Variants in CDHR3 observed in about 807,000 individuals in gnomAD.
The protein encoded by CDHR3 is cadherin related family member 3.
Under a neutral mutation model 86.6 loss-of-function variants are expected in CDHR3, and 79 were observed. That is an observed-to-expected ratio of 0.91 (90% CI 0.76 to 1.10). The LOEUF (loss-of-function observed/expected upper bound fraction) is 1.10, where lower values mean the gene tolerates loss of function less well. CDHR3 is among the 50% of genes least tolerant of loss of function. The probability of loss-of-function intolerance (pLI) is 0.00; values close to 1 mark genes in which losing one functional copy is unlikely to be tolerated. For missense variants in CDHR3, 1,081 were observed against 1,077.6 expected (o/e 1.00, Z -0.04); for synonymous variants, 421 against 402.4 (o/e 1.05, Z -0.55).
At chr7:106,023,221 C>T (rs1371846465) in intron 14 of CDHR3, among the ~76,000 whole-genome samples, 2 of 152,166 alleles carry the variant, frequency 1.3e-5, no homozygotes, top group South Asian at 4.1e-4. Context: ...CCAACTCTAT[C>T]CCCTAACCTA....
intron 7 of CDHR3, 87 bp from the exon 8 acceptor site, chr7:106,004,411 C>A (rs955790663): frequency 4.9e-6 from 5 of 1,029,480 alleles, no homozygotes. Flanking sequence ...TCCTCATGTT[C>A]GAATGGTCTT....
At chr7:106,029,314 C>A (rs562203379) in intron 17 of CDHR3, among the ~76,000 whole-genome samples, 1 of 152,238 alleles carries the variant, frequency 6.6e-6, no homozygotes, top group South Asian at 2.1e-4. Flanking sequence ...CACTACCTTG[C>A]AGAAAAGTGA....
intron 15 of CDHR3, 79 bp downstream of exon 15, chr7:106,024,641 T>C: frequency 7.0e-7 from 1 of 1,425,596 alleles, no homozygotes; most frequent in Non-Finnish European, 9.6e-7. Flanking sequence ...GAAGGAAAAA[T>C]GGAGAATCAG....
At chr7:106,026,950 G>A (rs1837445595) in intron 16 of CDHR3, among the ~76,000 whole-genome samples, 1 of 152,154 alleles carries the variant, frequency 6.6e-6, no homozygotes, top group African/African-American at 2.4e-5. Flanking sequence ...TCGCCAATCA[G>A]CTCAGCTGAA....
intron 6 of CDHR3, 59 bp downstream of exon 6, chr7:105,996,413 T>C (rs1832232038): frequency 2.1e-6 from 2 of 938,722 alleles, no homozygotes; most frequent in African/African-American, 3.3e-5. Context: ...TTAGGCGGCC[T>C]CGTCTCCTCC....
chr7:106,006,195 A>G (rs1361525002), intron 8 of CDHR3, among the ~76,000 whole-genome samples: 1 of 152,126 alleles, frequency 6.6e-6, no homozygotes, highest in African/African-American at 2.4e-5. Context: ...ACTTGCCCCC[A>G]TGATTCCATT....
chr7:106,024,516 AT>A lies in CDHR3; in HGVS notation c.2213del (p.Ile738ThrfsTer16). The A allele has an allele frequency of 6.2e-7, 1 of 1,614,058 alleles. No homozygotes were observed. The highest frequency in any genetic ancestry group is 1.1e-5 in the South Asian group (1 of 91,090). ...CCTGGTCGTCCTATTGGCCAAAGCC[AT>A]CCACAGACACTGCCCCTGCAAGACT... is the stretch of plus-strand genomic sequence containing the variant. Reference protein sequence around the residue: ...VYLVVLLAKAIHRHCPCKTGK... With the variant: ...VYLVVLLAKAXHRHCPCKTGK... On this transcript the variant is annotated frameshift_variant, in exon 15 of 19. Transcript: ENST00000317716. LOFTEE classifies it high-confidence loss of function.
At chr7:106,031,570 C>A (rs543744734) in intron 18 of CDHR3, among the ~76,000 whole-genome samples, 2 of 152,218 alleles carry the variant, frequency 1.3e-5, no homozygotes, top group East Asian at 3.8e-4. Flanking sequence ...AGGCTGCCGC[C>A]GCCGCTGCTG....
intron 6 of CDHR3, among the ~76,000 whole-genome samples, chr7:105,999,269 T>C (rs550549759): frequency 1.5e-4 from 23 of 152,360 alleles, no homozygotes; most frequent in South Asian, 4.1e-4. Context: ...AGATTTTATC[T>C]CCTGCCAGGC....
At chr7:106,028,944 C>CTTTCTTTCTTTCTTTT (rs1563312091) in intron 17 of CDHR3, among the ~76,000 whole-genome samples, 31 of 140,966 alleles carry the variant, frequency 2.2e-4, no homozygotes, top group South Asian at 4.8e-4. Flanking sequence ...TTCTTTCTTT[C>CTTTCTTTCTTTCTTTT]TTTCTTTCTT....
chr7:105,975,447 A>AT lies in CDHR3; in HGVS notation c.249+407dup, dbSNP rs761414764. On this transcript the variant is annotated intron_variant, in intron 2 of 18. Coordinates refer to ENST00000317716, the MANE Select transcript of CDHR3 (RefSeq NM_152750.5). ...GTGATTCTGCTTTCCTATGAGTCTG[A>AT]TTTTTTCAGAAGATAATCTAAGAGG... Among the ~76,000 whole-genome samples, 6 of 152,112 alleles carry AT rather than the reference A, an allele frequency of 3.9e-5. No homozygotes were observed. The East Asian group carries it at 9.6e-4, about 24-fold the overall frequency.
chr7:106,028,480 T>G, intron 16 of CDHR3, 71 bp from the exon 17 acceptor site: 1 of 1,534,414 alleles, frequency 6.5e-7, no homozygotes, highest in Non-Finnish European at 9.0e-7. Context: ...GAAATACCGT[T>G]GTGGAGGTGG....
intron 1 of CDHR3, among the ~76,000 whole-genome samples, 166 bp downstream of exon 1, chr7:105,963,530 G>A (rs1395103439): frequency 6.6e-6 from 1 of 152,298 alleles, no homozygotes. Context: ...AGCCCTGGGG[G>A]ACCAGGTAGG....
At chr7:105,974,420 C>A (rs777662725) in intron 1 of CDHR3, among the ~76,000 whole-genome samples, 2 of 152,132 alleles carry the variant, frequency 1.3e-5, no homozygotes, top group Non-Finnish European at 2.9e-5. Context: ...AGATTGCTGA[C>A]GCAGAGAAGG....
chr7:105,976,776 G>A (rs933892716), intron 2 of CDHR3, among the ~76,000 whole-genome samples: 6 of 152,098 alleles, frequency 3.9e-5, no homozygotes, highest in African/African-American at 1.2e-4. Flanking sequence ...GTTGTAGCCT[G>A]GATCAGTACT....
intron 8 of CDHR3, among the ~76,000 whole-genome samples, chr7:106,011,827 C>G: frequency 6.6e-6 from 1 of 152,180 alleles, no homozygotes; most frequent in Non-Finnish European, 1.5e-5. Flanking sequence ...GGTAGCTTTA[C>G]TCATTTGTGT....
intron 2 of CDHR3, among the ~76,000 whole-genome samples, chr7:105,978,228 T>C (rs2115660155): frequency 6.6e-6 from 1 of 152,284 alleles, no homozygotes; most frequent in South Asian, 2.1e-4. Context: ...TTGTAGCTAA[T>C]CATAGGTCAA....
At position 106,020,428 on chromosome 7, in the gene CDHR3, C is replaced by T; in HGVS notation, c.1709C>T (p.Ser570Phe). The T allele has an allele frequency of 1.9e-6, 3 of 1,614,004 alleles. No homozygotes were observed. The highest frequency in any genetic ancestry group is 1.1e-5 in the South Asian group (1 of 91,088). ...GAAAAGCCAATTTGTACTCCAAACT[C>T]TTATTTCCTGGCCCTCCCAGTGGAT... ...NDEKPICTPN[S>F]YFLALPVDLK... is the part of the protein sequence containing the mutation. The change falls in exon 13 of 19, where the codon TCT becomes TTT. Residue 570 changes from serine to phenylalanine, a missense_variant. Transcript: ENST00000317716.
In CDHR3 at chr7:106,017,838, T is replaced by G. The variant is rs1171722554; in HGVS notation, c.1427-8T>G. 5.8e-6 allele frequency: 9 copies of G among 1,560,044 alleles called. No individual in the cohort carries two copies. Among genetic ancestry groups the G allele is most frequent in the Non-Finnish European group, 6.9e-6 (8 of 1,152,256 alleles). On this transcript the variant is annotated splice_polypyrimidine_tract_variant and splice_region_variant and intron_variant, in intron 11 of 18. Transcript: ENST00000317716. ...GCAGGACTTATTGCAGGTACTTTAT[T>G]CCTCCAGCCAGAACCCGAGTGGGAC...
Sources: gnomAD v4.1 joint callset for allele counts (sites outside exome capture counted in the v4.1 genomes callset) on GRCh38, gnomAD v4.1.1 for gene constraint, MANE v1.5 for transcripts, NCBI Gene and HGNC (gene_info 2026-07-23, HGNC 2026-07-21) for gene names.